CDH18: variants seen among roughly 807,000 people sequenced by gnomAD.
CDH18 encodes cadherin 18, also known as cadherin-18.
CDH18 carries 31 observed loss-of-function variants against 67.9 expected under a neutral mutation model. The observed-to-expected ratio is 0.46, with a 90% CI of 0.34 to 0.62. The LOEUF is 0.62. CDH18 is among the 20% of genes least tolerant of loss of function. CDH18 has a pLI of 0.01. For synonymous variants in CDH18, 362 were observed against 347.2 expected, an observed-to-expected ratio of 1.04 and a Z score of -0.48; for missense variants, 890 against 975.5, an observed-to-expected ratio of 0.91 and a Z score of 1.17.
chr5:20,018,817 C>T lies in CDH18; in HGVS notation c.-517-26803G>A, dbSNP rs540246001. Reference sequence around the variant, plus strand: ...AGGCATTCTTTTTTTTTTTTTGAGACGGAGTTTCGCTCTGTCGCCCAGGCT... The same window carrying T: ...AGGCATTCTTTTTTTTTTTTTGAGATGGAGTTTCGCTCTGTCGCCCAGGCT... On this transcript the variant is annotated intron_variant, in intron 2 of 14. Coordinates refer to the CDH18 transcript ENST00000507958. Among the ~76,000 whole-genome samples the T allele has an allele frequency of 1.1e-3, 150 of 137,970 alleles. 5 individuals carry two copies. Among genetic ancestry groups the T allele is most frequent in the African/African-American group, 3.2e-3 (115 of 35,698 alleles). 90.5% of individuals were successfully genotyped at this position (137,970 alleles called of 152,430 possible).
At chr5:20,078,228 G>A (rs992434085) in intron 2 of CDH18, among the ~76,000 whole-genome samples, 2 of 151,992 alleles carry the variant, frequency 1.3e-5, no homozygotes, top group African/African-American at 4.8e-5. Flanking sequence ...TTGGGAGGCC[G>A]AGGCAGGCAG....
chr5:19,604,530 A>AACACACACACAC (rs4002268), intron 6 of CDH18, among the ~76,000 whole-genome samples: 20 of 145,196 alleles, frequency 1.4e-4, no homozygotes, highest in African/African-American at 4.9e-4. Context: ...TTCAAATTAA[A>AACACACACACAC]ACACACACAC....
intron 3 of CDH18, among the ~76,000 whole-genome samples, chr5:19,775,408 C>T (rs1306340886): frequency 1.3e-5 from 2 of 152,138 alleles, no homozygotes; most frequent in African/African-American, 4.8e-5. Flanking sequence ...GAATCTGCTT[C>T]TGTGGATGCG....
chr5:19,990,397 G>T (rs2150383844), upstream of CDH18, among the ~76,000 whole-genome samples: 1 of 152,254 alleles, frequency 6.6e-6, no homozygotes, highest in South Asian at 2.1e-4. Context: ...ACCTGTTTTT[G>T]CTGGCCTTCC....
intron 1 of CDH18, among the ~76,000 whole-genome samples, chr5:20,274,421 AG>A: frequency 6.6e-6 from 1 of 152,294 alleles, no homozygotes; most frequent in East Asian, 1.9e-4. Context: ...TAAAATTTTC[AG>A]AAGTCAATAG....
At chr5:20,511,914 GTTAA>G (rs1319030397) in intron 1 of CDH18, among the ~76,000 whole-genome samples, 6 of 152,066 alleles carry the variant, frequency 3.9e-5, no homozygotes, top group African/African-American at 1.4e-4. Flanking sequence ...TATTTCTTGA[GTTAA>G]TTAACAATTT....
chr5:20,019,782 T>C (rs1738236821), intron 2 of CDH18, among the ~76,000 whole-genome samples: 1 of 152,222 alleles, frequency 6.6e-6, no homozygotes, highest in South Asian at 2.1e-4. Context: ...GGGTGGGGCA[T>C]TGCTATATAG....
chr5:20,256,578 T>G (rs180675499), intron 1 of CDH18, among the ~76,000 whole-genome samples: 1 of 152,188 alleles, frequency 6.6e-6, no homozygotes, highest in Admixed American at 6.5e-5. Context: ...ATGGTACTTT[T>G]ATTTTGGGAA....
At chr5:19,884,926 A>C (rs1167565334) in intron 2 of CDH18, among the ~76,000 whole-genome samples, 1 of 152,160 alleles carries the variant, frequency 6.6e-6, no homozygotes, top group African/African-American at 2.4e-5. Flanking sequence ...GGGACATTAT[A>C]ATTAATGGAT....
chr5:19,743,951 A>C (rs1769604475), intron 4 of CDH18, among the ~76,000 whole-genome samples: 1 of 127,792 alleles, frequency 7.8e-6, no homozygotes, highest in African/African-American at 2.9e-5. Context: ...AAAAAAAAAA[A>C]TCAGAGTTAA....
At chr5:19,780,590 A>G (rs930737170) in intron 3 of CDH18, among the ~76,000 whole-genome samples, 3 of 152,118 alleles carry the variant, frequency 2.0e-5, no homozygotes, top group African/African-American at 7.2e-5. Context: ...CCCCTTGGTT[A>G]TCTAATCTCC....
intron 5 of CDH18, among the ~76,000 whole-genome samples, chr5:19,682,362 C>G (rs35106673): frequency 6.6e-6 from 1 of 151,966 alleles, no homozygotes; most frequent in Non-Finnish European, 1.5e-5. Context: ...TCAGAACCAG[C>G]TCATTGTACT....
rs141353924 is a variant in CDH18, at chr5:20,233,640, G to A, written c.-518+21804C>T. Among the ~76,000 whole-genome samples the A allele has an allele frequency of 8.0e-4, 121 of 151,672 alleles. 1 individual carries two copies. The highest frequency in any genetic ancestry group is 2.8e-3 in the African/African-American group (115 of 41,378). ...TATACATATACACACACAGACATGC[G>A]TGTGTGTGTGTTTGCATGTGTATTT... On this transcript the variant is annotated intron_variant, in intron 2 of 14. Coordinates refer to the CDH18 transcript ENST00000507958.
chr5:20,435,062 A>T (rs1749068412), intron 1 of CDH18, among the ~76,000 whole-genome samples: 1 of 152,100 alleles, frequency 6.6e-6, no homozygotes, highest in South Asian at 2.1e-4. Flanking sequence ...GTTCTTCTGT[A>T]TGCAACCTAG....
intron 3 of CDH18, chr5:19,803,966 A>T (rs1461044365): frequency 6.6e-6 from 1 of 152,046 alleles, no homozygotes; most frequent in East Asian, 1.9e-4. Context: ...CTAAAAATAC[A>T]AAAAATTAGC....
intron 2 of CDH18, among the ~76,000 whole-genome samples, chr5:20,054,768 A>G (rs1312670374): frequency 6.6e-6 from 1 of 152,178 alleles, no homozygotes; most frequent in Non-Finnish European, 1.5e-5. Context: ...CTTTGGAAAA[A>G]TGTATCCCCA....
chr5:20,423,050 T>G (rs1348395299), intron 1 of CDH18, among the ~76,000 whole-genome samples: 3 of 151,108 alleles, frequency 2.0e-5, no homozygotes, highest in African/African-American at 7.4e-5. Context: ...GAGAAAATGA[T>G]TTGGTGGAAA....
chr5:19,679,716 T>C (rs1414111974), intron 5 of CDH18, among the ~76,000 whole-genome samples: 2 of 152,000 alleles, frequency 1.3e-5, no homozygotes, highest in Non-Finnish European at 2.9e-5. Context: ...ATAAAATATC[T>C]AATAATACAG....
Position 20,339,205 on chromosome 5 carries a change from T to C in CDH18, c.-579-83700A>G, listed in dbSNP as rs558290449. Reference sequence around the variant, plus strand: ...CAAGTGCCTCCTGAAACACTGGGACTCCTTTGACCCTCAGACTCTAAAGAG... The same window carrying C: ...CAAGTGCCTCCTGAAACACTGGGACCCCTTTGACCCTCAGACTCTAAAGAG... On this transcript the variant is annotated intron_variant, in intron 1 of 14. Transcript: ENST00000507958. Among the ~76,000 whole-genome samples the C allele has an allele frequency of 5.3e-5, 8 of 152,244 alleles. No individual in the cohort carries two copies. The South Asian group carries it at 1.7e-3, about 32-fold the overall frequency.
Sources: gnomAD v4.1 joint callset for allele counts (sites outside exome capture counted in the v4.1 genomes callset) on GRCh38, gnomAD v4.1.1 for gene constraint, MANE v1.5 for transcripts, NCBI Gene and HGNC (gene_info 2026-07-23, HGNC 2026-07-21) for gene names.